The following COL4A3 variants were observed in gnomAD, a reference collection of about 807,000 sequenced individuals.
COL4A3 encodes collagen type IV alpha 3 chain.
Under a neutral mutation model 217.4 loss-of-function variants are expected in COL4A3, and 135 were observed. That is an observed-to-expected ratio of 0.62 (90% confidence interval 0.54 to 0.72). The LOEUF is 0.72. COL4A3 is among the 30% of genes least tolerant of loss of function. COL4A3 has a pLI of 0.00. For missense variants in COL4A3, 1,868 were observed against 2,119.9 expected (o/e 0.88, Z 2.33); for synonymous variants, 690 against 736.3 (o/e 0.94, Z 1.02).
intron 2 of COL4A3, 96 bp from the exon 3 acceptor site, chr2:227,240,047 T>G: frequency 9.2e-7 from 1 of 1,087,970 alleles, no homozygotes; most frequent in Non-Finnish European, 1.4e-6. Flanking sequence ...AGAGTCACCA[T>G]GAAGTCATAA....
intron 34 of COL4A3, among the ~76,000 whole-genome samples, chr2:227,287,304 G>A (rs1326390102): frequency 2.0e-5 from 3 of 152,080 alleles, no homozygotes; most frequent in Admixed American, 6.5e-5. Flanking sequence ...GGTGGCACAC[G>A]CCTGTAATCC....
rs571406874 is a variant in COL4A3 at position 227,282,415 on chromosome 2, G to A, written c.2539G>A (p.Asp847Asn). 1 of 1,613,708 alleles carries A rather than the reference G, an allele frequency of 6.2e-7. No individual in the cohort carries two copies. The highest frequency in any genetic ancestry group is 2.2e-5 in the East Asian group (1 of 44,860). The stretch of plus-strand genomic sequence containing the variant: ...GGGAGACCCAGGAATTCCAGGCTTG[G>A]ATAGATCAGGATTTCCTGGAGAAAC... The part of the protein sequence containing the change: ...PKGDPGIPGL[D>N]RSGFPGETGS... Residue 847 changes from aspartate to asparagine, a missense_variant, in exon 32 of 52, where the codon GAT (aspartate) becomes AAT (asparagine). Coordinates refer to ENST00000396578, the MANE Select transcript of COL4A3 (RefSeq NM_000091.5). The surrounding 1 kb of genome is among the most constrained non-coding windows in gnomAD (Gnocchi z 4.4).
chr2:227,310,784 T>C lies in COL4A3; in HGVS notation c.4764T>C (p.Ser1588=). ...TTTTAAAATTGTGGTAGTTCACAAGTGCAGGTTCTGAGGGCACCGGGCAAG... is the reference window on the plus strand; with the variant it reads ...TTTTAAAATTGTGGTAGTTCACAAGCGCAGGTTCTGAGGGCACCGGGCAAG... ...WKGFSFIMFT[S]AGSEGTGQAL... Residue 1588 remains serine (S), a synonymous_variant, in exon 51 of 52, where the codon AGT becomes AGC. Coordinates refer to ENST00000396578, the MANE Select transcript of COL4A3 (RefSeq NM_000091.5). The C allele has an allele frequency of 3.7e-6, 6 of 1,614,040 alleles. No homozygotes were observed. The highest frequency in any genetic ancestry group is 5.1e-6 in the Non-Finnish European group (6 of 1,179,902).
intron 23 of COL4A3, 46 bp downstream of exon 23, chr2:227,267,134 C>A: frequency 7.5e-7 from 1 of 1,336,118 alleles, no homozygotes; most frequent in Non-Finnish European, 1.1e-6. Context: ...ACAAAAGGGT[C>A]AATACACTGG....
At chr2:227,216,364 A>G (rs2067528844) in intron 1 of COL4A3, among the ~76,000 whole-genome samples, 2 of 152,202 alleles carry the variant, frequency 1.3e-5, no homozygotes, top group South Asian at 4.1e-4. Context: ...CTGGAAGACA[A>G]ACAAAAACCA....
At chr2:227,247,378 G>A (rs773199256) in intron 7 of COL4A3, among the ~76,000 whole-genome samples, 180 bp from the exon 8 acceptor site, 13 of 152,172 alleles carry the variant, frequency 8.5e-5, no homozygotes, top group Non-Finnish European at 1.3e-4. Flanking sequence ...CAGGTGAGAC[G>A]AAGGAGAGAC....
At chr2:227,268,684 G>C (rs1434166047) in intron 23 of COL4A3, 2 of 152,296 alleles carry the variant, frequency 1.3e-5, no homozygotes, top group East Asian at 1.9e-4. Context: ...CTGACTCACA[G>C]GCTTGTGAGG....
chr2:227,289,891 C>T (rs959174170), intron 35 of COL4A3, 108 bp from the exon 36 acceptor site: 20 of 1,072,640 alleles, frequency 1.9e-5, no homozygotes, highest in Admixed American at 7.9e-5. Flanking sequence ...CCAAACCAGC[C>T]GGTCTGGCTG....
chr2:227,310,175 C>A (rs543633497), intron 50 of COL4A3, among the ~76,000 whole-genome samples: 1 of 152,306 alleles, frequency 6.6e-6, no homozygotes, highest in South Asian at 2.1e-4. Context: ...AAAGAAAAAG[C>A]TTTCAGATGT....
chr2:227,192,640 C>T (rs1244362762), intron 1 of COL4A3, among the ~76,000 whole-genome samples: 1 of 152,084 alleles, frequency 6.6e-6, no homozygotes, highest in East Asian at 1.9e-4. Context: ...TCCCTTGGGA[C>T]TTTGCTCAGT....
chr2:227,227,977 A>G (rs1223374675), intron 1 of COL4A3: 2 of 152,242 alleles, frequency 1.3e-5, no homozygotes, highest in Non-Finnish European at 2.9e-5. Context: ...GCATTGCATA[A>G]GACGGGCAAA....
intron 1 of COL4A3, among the ~76,000 whole-genome samples, chr2:227,228,097 G>A (rs2068197302): frequency 2.6e-5 from 4 of 152,144 alleles, no homozygotes; most frequent in Admixed American, 1.3e-4. Context: ...AATCAAAAAC[G>A]GGTGGCTGGC....
In COL4A3 at chr2:227,303,075, G is replaced by A. The variant is rs745473187; in HGVS notation, c.3920G>A (p.Gly1307Asp). The A allele has an allele frequency of 6.2e-7, 1 of 1,613,998 alleles. No homozygotes were observed. The highest frequency in any genetic ancestry group is 1.1e-5 in the South Asian group (1 of 91,078). ...ACTCCAGGTCTTCCAGGACCCAGAG[G>A]TGATCCTGGATTCCAGGGGTTTCCA... ...PGTPGLPGPRGDPGFQGFPGV... is the reference protein window; with the variant it reads ...PGTPGLPGPRDDPGFQGFPGV... Residue 1307 changes from glycine (G) to aspartate (D), a missense_variant, in exon 44 of 52, where the codon GGT becomes GAT. By Grantham distance (94) the Gly-to-Asp change is moderately conservative (BLOSUM62 -1). Transcript: ENST00000396578.
chr2:227,307,630 A>G, intron 47 of COL4A3, 80 bp from the exon 48 acceptor site: 462 of 898,378 alleles, frequency 5.1e-4, no homozygotes, highest in Non-Finnish European at 7.3e-4. Flanking sequence ...CATATATAAA[A>G]TATATTTAAA....
At chr2:227,277,726 G>A (rs1241905735) in intron 28 of COL4A3, among the ~76,000 whole-genome samples, 173 bp downstream of exon 28, 1 of 152,080 alleles carries the variant, frequency 6.6e-6, no homozygotes, top group African/African-American at 2.4e-5. Flanking sequence ...CTGGCCAGGC[G>A]CAGTGGCTAA....
At chr2:227,169,793 A>C (rs1409859370) in intron 1 of COL4A3, among the ~76,000 whole-genome samples, 1 of 151,976 alleles carries the variant, frequency 6.6e-6, no homozygotes. Context: ...AATGTTTTGC[A>C]GTGTTATAGC....
Position 227,206,136 on chromosome 2 carries a change from C to T in COL4A3, c.88-31832C>T, listed in dbSNP as rs528500842. On this transcript the variant is annotated intron_variant, in intron 1 of 51. Transcript: ENST00000396578. ...TTGCCCAGGCTGAAGTGCAGTGGTGCGATCTCAGCTCACTGCAGCCTCCAC... is the reference window on the plus strand; with the variant it reads ...TTGCCCAGGCTGAAGTGCAGTGGTGTGATCTCAGCTCACTGCAGCCTCCAC... Among the ~76,000 whole-genome samples the T allele has an allele frequency of 5.9e-5, 9 of 151,954 alleles. No individual in the cohort carries two copies. The South Asian group carries it at 1.9e-3, about 32-fold the overall frequency.
Position 227,228,810 on chromosome 2 carries a change from G to T in COL4A3, c.88-9158G>T, listed in dbSNP as rs151087237. 4.1e-3 allele frequency among the ~76,000 whole-genome samples: 619 copies of T among 152,308 alleles called. 12 individuals carry two copies. The South Asian group carries it at 0.043, about 11-fold the overall frequency. ...AGATAATTGTTTACAGTGCTAGGGGGATATAAGGAATTGTGAGACACCGTT... is the reference window on the plus strand; with the variant it reads ...AGATAATTGTTTACAGTGCTAGGGGTATATAAGGAATTGTGAGACACCGTT... On this transcript the variant is annotated intron_variant, in intron 1 of 51. Transcript: ENST00000396578.
chr2:227,292,501 G>A (rs2072802638), intron 37 of COL4A3, among the ~76,000 whole-genome samples: 1 of 152,142 alleles, frequency 6.6e-6, no homozygotes. Context: ...AAATGAGCTG[G>A]TTTTATCATG....
Sources: allele counts gnomAD v4.1 joint callset (sites outside exome capture counted in the v4.1 genomes callset), GRCh38; gene constraint gnomAD v4.1.1; non-coding constraint Gnocchi (gnomAD v3.1); transcripts MANE v1.5; gene names NCBI Gene and HGNC (gene_info 2026-07-23, HGNC 2026-07-21).